MGAT5: variants seen among roughly 807,000 people sequenced by gnomAD.
MGAT5 encodes alpha-1,6-mannosylglycoprotein 6-beta-N-acetylglucosaminyltransferase.
Under a neutral mutation model 94.3 loss-of-function variants are expected in MGAT5, and 30 were observed. The ratio of observed to expected loss-of-function variants is 0.32; its 90% confidence interval spans 0.24 to 0.43. MGAT5 has a LOEUF of 0.43. Ranked by LOEUF, MGAT5 falls within the 20% of genes least tolerant of loss-of-function variation. MGAT5 has a pLI of 1.00. For missense variants in MGAT5, 691 were observed against 905.5 expected, an observed-to-expected ratio of 0.76 and a Z score of 3.04; for synonymous variants, 310 against 322.9, an observed-to-expected ratio of 0.96 and a Z score of 0.43.
At chr2:134,391,709 A>G (rs1184111172) in intron 10 of MGAT5, among the ~76,000 whole-genome samples, 1 of 152,204 alleles carries the variant, frequency 6.6e-6, no homozygotes. Context: ...ATTTTGGGGG[A>G]CACAGACAAT....
At chr2:134,289,476 T>A (rs1182295056) in intron 2 of MGAT5, among the ~76,000 whole-genome samples, 1 of 152,168 alleles carries the variant, frequency 6.6e-6, no homozygotes, top group Non-Finnish European at 1.5e-5. Context: ...TGCATGTAGA[T>A]GTTGAGGGAC....
chr2:134,310,495 T>G (rs1686584556), intron 2 of MGAT5, among the ~76,000 whole-genome samples: 1 of 152,182 alleles, frequency 6.6e-6, no homozygotes, highest in South Asian at 2.1e-4. Flanking sequence ...TGATTCTATT[T>G]TCAACTTAGA....
At chr2:134,144,609 A>T (rs1176922843) in intron 1 of MGAT5, among the ~76,000 whole-genome samples, 1 of 152,222 alleles carries the variant, frequency 6.6e-6, no homozygotes, top group Non-Finnish European at 1.5e-5. Context: ...TCCTTTGGGG[A>T]ATGGGAAGAA....
intron 9 of MGAT5, among the ~76,000 whole-genome samples, chr2:134,360,773 C>T (rs529440705): frequency 9.2e-5 from 14 of 152,318 alleles, no homozygotes; most frequent in Admixed American, 7.2e-4. Context: ...AGAATTTATT[C>T]AGTAATTTAC....
At chr2:134,296,590 A>G (rs1573731214) in intron 2 of MGAT5, among the ~76,000 whole-genome samples, 1 of 152,138 alleles carries the variant, frequency 6.6e-6, no homozygotes, top group Non-Finnish European at 1.5e-5. Flanking sequence ...TTAGTCTTAT[A>G]AAGTACATAA....
chr2:134,280,714 A>C (rs1684638644), intron 2 of MGAT5, among the ~76,000 whole-genome samples: 1 of 152,224 alleles, frequency 6.6e-6, no homozygotes, highest in Non-Finnish European at 1.5e-5. Context: ...GGATAAACCC[A>C]GTCAGTTTCC....
intron 1 of MGAT5, among the ~76,000 whole-genome samples, chr2:134,249,048 G>C (rs1029078555): frequency 4.6e-5 from 7 of 151,948 alleles, no homozygotes; most frequent in Admixed American, 3.9e-4. Flanking sequence ...GCGGTCATAT[G>C]TGGTGAACTG....
In MGAT5 at chr2:134,125,624, C is replaced by T. The variant is rs533136373; in HGVS notation, c.-143+5333C>T. ...AGGAACAATTGGTAACAGTTGATAACGGGTGCCTGCCTGCTTTGTTTATAG... is the reference window on the plus strand; with the variant it reads ...AGGAACAATTGGTAACAGTTGATAATGGGTGCCTGCCTGCTTTGTTTATAG... On this transcript the variant is annotated intron_variant, in intron 1 of 16. Coordinates refer to the MGAT5 transcript ENST00000409645. 5.3e-5 allele frequency among the ~76,000 whole-genome samples: 8 copies of T among 152,300 alleles called. No individual in the cohort carries two copies. The East Asian group carries it at 1.2e-3, about 22-fold the overall frequency.
intron 2 of MGAT5, among the ~76,000 whole-genome samples, chr2:134,296,031 A>G (rs1249940076): frequency 6.6e-6 from 1 of 152,136 alleles, no homozygotes; most frequent in African/African-American, 2.4e-5. Flanking sequence ...CCTCATGCAA[A>G]CATGTTTGTT....
chr2:134,157,266 T>C (rs1687520245), intron 1 of MGAT5, among the ~76,000 whole-genome samples: 1 of 152,218 alleles, frequency 6.6e-6, no homozygotes, highest in African/African-American at 2.4e-5. Context: ...TTTTGTAAGA[T>C]GTTAACTTTA....
At chr2:134,227,691 T>C (rs1242065452) in intron 1 of MGAT5, among the ~76,000 whole-genome samples, 1 of 152,122 alleles carries the variant, frequency 6.6e-6, no homozygotes, top group African/African-American at 2.4e-5. Context: ...AAGGGAAGGC[T>C]CTTGGTTTAC....
intron 8 of MGAT5, among the ~76,000 whole-genome samples, chr2:134,346,312 G>A (rs778478818): frequency 6.6e-6 from 1 of 152,196 alleles, no homozygotes; most frequent in South Asian, 2.1e-4. Flanking sequence ...AATGGTCACC[G>A]TTGATTGGTA....
intron 2 of MGAT5, among the ~76,000 whole-genome samples, chr2:134,299,927 ACT>A (rs1463968058): frequency 7.9e-5 from 12 of 152,118 alleles, no homozygotes; most frequent in African/African-American, 2.9e-4. Context: ...CTTGAATATA[ACT>A]CTCTGAATAC....
Position 134,145,214 on chromosome 2 carries a change from C to CTCTGTGTGTGTGTG in MGAT5, c.-143+24924_-143+24925insCTGTGTGTGTGTGT, listed in dbSNP as rs373377770. Among the ~76,000 whole-genome samples the CTCTGTGTGTGTGTG allele has an allele frequency of 5.6e-3, 799 of 143,848 alleles. 8 individuals are homozygous for CTCTGTGTGTGTGTG. The highest frequency in any genetic ancestry group is 0.022 in the East Asian group (106 of 4,888). The allele number at this position is 143,848 out of a possible 152,430, so 94.4% of individuals were successfully genotyped here. A position where few individuals can be genotyped will look rare whatever the true frequency, so the allele number is the denominator to read the frequency against. ...GTAAGGTGTGTGTGTGTCTCTCTCT[C>CTCTGTGTGTGTGTG]TGTGTGTGTGTGTGTGTGTGTGTGT... On this transcript the variant is annotated intron_variant, in intron 1 of 16. Coordinates refer to the MGAT5 transcript ENST00000409645.
intron 1 of MGAT5, among the ~76,000 whole-genome samples, chr2:134,265,272 A>G (rs902581370): frequency 1.1e-4 from 17 of 152,346 alleles, no homozygotes; most frequent in Non-Finnish European, 2.1e-4. Flanking sequence ...TGATAGATCT[A>G]TAAACCTTAT....
chr2:134,190,087 G>A (rs1211570610), intron 1 of MGAT5, among the ~76,000 whole-genome samples: 1 of 152,182 alleles, frequency 6.6e-6, no homozygotes, highest in Non-Finnish European at 1.5e-5. Context: ...CTGGTTATAA[G>A]GTATCTTTCT....
At chr2:134,437,575 T>G (rs925554147) in intron 14 of MGAT5, among the ~76,000 whole-genome samples, 3 of 152,178 alleles carry the variant, frequency 2.0e-5, no homozygotes, top group Admixed American at 1.3e-4. Flanking sequence ...CTTGGCTTCT[T>G]CTGATGTAAA....
At chr2:134,255,984 G>A (rs758435358) in intron 1 of MGAT5, among the ~76,000 whole-genome samples, 5 of 152,300 alleles carry the variant, frequency 3.3e-5, no homozygotes, top group South Asian at 2.1e-4. Context: ...GTGTGTGTAT[G>A]TGTATATATT....
intron 15 of MGAT5, among the ~76,000 whole-genome samples, chr2:134,448,089 T>C (rs1280241911): frequency 6.6e-6 from 1 of 152,246 alleles, no homozygotes; most frequent in East Asian, 1.9e-4. Flanking sequence ...TTAAACATAC[T>C]TAAAGAACGT....
Sources: gnomAD v4.1 joint callset for allele counts (sites outside exome capture counted in the v4.1 genomes callset) on GRCh38, gnomAD v4.1.1 for gene constraint, MANE v1.5 for transcripts, NCBI Gene and HGNC (gene_info 2026-07-23, HGNC 2026-07-21) for gene names.